The following MTMR6 variants were observed in gnomAD, a reference collection of about 807,000 sequenced individuals.
The protein encoded by MTMR6 is myotubularin related protein 6.
In MTMR6, 47 loss-of-function variants were observed where a neutral mutation model predicts 80.1. The observed-to-expected ratio is 0.59, with a 90% confidence interval of 0.46 to 0.75. MTMR6 has a LOEUF of 0.75. MTMR6 is among the 30% of genes least tolerant of loss of function. MTMR6 has a pLI of 0.00. For synonymous variants in MTMR6, 254 were observed against 253.0 expected (o/e 1.00, Z -0.04); for missense variants, 629 against 730.9 (o/e 0.86, Z 1.61).
chr13:25,280,312 C>T (rs923830566), intron 1 of MTMR6, among the ~76,000 whole-genome samples: 5 of 152,158 alleles, frequency 3.3e-5, no homozygotes, highest in African/African-American at 1.2e-4. Flanking sequence ...AATGGGTAAT[C>T]TCCATATGAA....
intron 5 of MTMR6, 127 bp downstream of exon 5, chr13:25,265,692 A>T: frequency 9.6e-7 from 1 of 1,043,488 alleles, no homozygotes; most frequent in Non-Finnish European, 1.4e-6. Flanking sequence ...AGATGGTGCC[A>T]CTGCACTCCA....
chr13:25,249,326 G>A lies in MTMR6; in HGVS notation c.1772C>T (p.Ala591Val), dbSNP rs755364028. The change falls in exon 14 of 14, where the codon GCA becomes GTA. Residue 591 changes from alanine to valine, a missense_variant. Physicochemically the swap from Ala to Val is moderately conservative, Grantham distance 64 (BLOSUM62 0). Transcript: ENST00000381801. The stretch of plus-strand genomic sequence containing the variant: ...TGCATATTCACTATAACGATTATCT[G>A]CCGGGCTGCTGCCCTCTATAGTTCG... ...ALRTIEGSSP[A>V]DNRYSEYAEE... 1 of 1,614,080 alleles carries A rather than the reference G, an allele frequency of 6.2e-7. No homozygotes were observed. The highest frequency in any genetic ancestry group is 8.5e-7 in the Non-Finnish European group (1 of 1,179,958).
chr13:25,249,932 A>T (rs1957051216), intron 13 of MTMR6, among the ~76,000 whole-genome samples: 1 of 152,196 alleles, frequency 6.6e-6, no homozygotes, highest in Non-Finnish European at 1.5e-5. Flanking sequence ...TTTGTTAGGT[A>T]AAAATAACAG....
chr13:25,257,137 G>T, intron 9 of MTMR6, 59 bp downstream of exon 9: 1 of 1,520,136 alleles, frequency 6.6e-7, no homozygotes, highest in East Asian at 2.4e-5. Flanking sequence ...AATGTCCTCT[G>T]GAGGAACATA....
At chr13:25,279,331 C>A (rs1036854822) in intron 1 of MTMR6, among the ~76,000 whole-genome samples, 1 of 152,078 alleles carries the variant, frequency 6.6e-6, no homozygotes. Flanking sequence ...CTCTCTCCTG[C>A]CACCATGAGA....
In MTMR6 at chr13:25,274,194, GA is replaced by G. The variant is rs770697904; in HGVS notation, c.25-8del. 87 of 1,540,226 alleles carry G rather than the reference GA, an allele frequency of 5.6e-5. No homozygotes were observed. The highest frequency in any genetic ancestry group is 8.1e-5 in the South Asian group (7 of 86,014). On this transcript the variant is annotated splice_region_variant and splice_polypyrimidine_tract_variant and intron_variant, in intron 1 of 13. Transcript: ENST00000381801. Reference sequence around the variant, plus strand: ...GTAATTTTACTTGTTCGACCTAAAAGAAAAAAAGATATTATTTCTCATTTCA... The same window carrying G: ...GTAATTTTACTTGTTCGACCTAAAAGAAAAAAGATATTATTTCTCATTTCA...
chr13:25,269,876 T>C (rs546829372), intron 2 of MTMR6, among the ~76,000 whole-genome samples: 2 of 152,122 alleles, frequency 1.3e-5, no homozygotes, highest in African/African-American at 4.8e-5. Context: ...TTATCACTTA[T>C]ATTAATGCGC....
Position 25,253,799 on chromosome 13 carries a change from G to A in MTMR6, c.1311C>T (p.Phe437=). Residue 437 remains phenylalanine (F), a synonymous_variant, in exon 11 of 14, where the codon TTC becomes TTT. Transcript: ENST00000381801. ...CTCTTTCCTTCTGACAATTTCCAAG[G>A]AAGTTTCCAAACTGGCATGAATGAA... ...EHIHSCQFGN[F]LGNCQKEREE... is the part of the protein sequence containing the mutation. 1 of 1,614,014 alleles carries A rather than the reference G, an allele frequency of 6.2e-7. No individual in the cohort carries two copies. The highest frequency in any genetic ancestry group is 8.5e-7 in the Non-Finnish European group (1 of 1,179,982).
chr13:25,281,273 G>T (rs1022184780), intron 1 of MTMR6, among the ~76,000 whole-genome samples: 3 of 152,180 alleles, frequency 2.0e-5, no homozygotes, highest in Middle Eastern at 3.4e-3. Context: ...GGAGGTAGAG[G>T]CTGCAATGAG....
rs189649997 is a variant in MTMR6, at chr13:25,279,210, G to T, written c.25-5023C>A. Among the ~76,000 whole-genome samples, 212 of 152,260 alleles carry T rather than the reference G, an allele frequency of 1.4e-3. 1 individual carries two copies. The highest frequency in any genetic ancestry group is 4.8e-3 in the African/African-American group (200 of 41,554). On this transcript the variant is annotated intron_variant, in intron 1 of 13. Coordinates refer to ENST00000381801, the MANE Select transcript of MTMR6 (RefSeq NM_004685.5). The stretch of plus-strand genomic sequence containing the variant: ...CCATGTGTGCAGGAAGTGACCTGGT[G>T]GGAGGTGATTGGATCATGGGGGTGG...
At chr13:25,286,622 G>A (rs1957958118) in intron 1 of MTMR6, among the ~76,000 whole-genome samples, 1 of 152,168 alleles carries the variant, frequency 6.6e-6, no homozygotes, top group African/African-American at 2.4e-5. Context: ...TTTAAAATAT[G>A]GAATAACATT....
At chr13:25,274,831 C>G (rs1957668029) in intron 1 of MTMR6, among the ~76,000 whole-genome samples, 2 of 152,136 alleles carry the variant, frequency 1.3e-5, no homozygotes, top group Non-Finnish European at 2.9e-5. Flanking sequence ...TTGCATTCCT[C>G]TGCAGCTCTG....
At chr13:25,266,956 A>G (rs1313282137) in intron 3 of MTMR6, among the ~76,000 whole-genome samples, 2 of 152,218 alleles carry the variant, frequency 1.3e-5, no homozygotes, top group African/African-American at 4.8e-5. Context: ...ACAGGGCATA[A>G]GTAGCGATAA....
intron 2 of MTMR6, among the ~76,000 whole-genome samples, chr13:25,270,914 A>G (rs1225467996): frequency 6.6e-6 from 1 of 152,220 alleles, no homozygotes; most frequent in Non-Finnish European, 1.5e-5. Flanking sequence ...TCAACTGCTT[A>G]GAAAAATAGT....
At chr13:25,257,377 T>G in intron 8 of MTMR6, 56 bp from the exon 9 acceptor site, 1 of 1,582,894 alleles carries the variant, frequency 6.3e-7, no homozygotes, top group Non-Finnish European at 8.6e-7. Flanking sequence ...CAATAAATTC[T>G]ACTTGAAAAT....
rs572909056 is a variant in MTMR6 at position 25,249,175 on chromosome 13, A to G, written c.*57T>C. 2 of 1,571,104 alleles carry G rather than the reference A, an allele frequency of 1.3e-6. No homozygotes were observed. The highest frequency in any genetic ancestry group is 1.7e-6 in the Non-Finnish European group (2 of 1,154,352). On this transcript the variant is annotated 3_prime_UTR_variant, in exon 14 of 14. Transcript: ENST00000381801. ...TTCCTTTTGGTTATGCTTACAGACC[A>G]TCCTCACAATAATCCTTTTCTTGTA...
At position 25,246,381 on chromosome 13, in the gene MTMR6, A is replaced by C. The variant is rs961321673; in HGVS notation, c.*2851T>G. Reference sequence around the variant, plus strand: ...CCTAAAGCTTATAGTTTACATTGATATCTAGACATATATCTTAAACAGTCT... The same window carrying C: ...CCTAAAGCTTATAGTTTACATTGATCTCTAGACATATATCTTAAACAGTCT... On this transcript the variant is annotated 3_prime_UTR_variant, in exon 14 of 14. Coordinates refer to ENST00000381801, the MANE Select transcript of MTMR6 (RefSeq NM_004685.5). 4.0e-5 allele frequency: 6 copies of C among 150,554 alleles called. No homozygotes were observed. The highest frequency in any genetic ancestry group is 1.2e-4 in the African/African-American group (5 of 41,140). 9.3% of individuals were successfully genotyped at this position (150,554 alleles called of 1,614,324 possible).
intron 11 of MTMR6, among the ~76,000 whole-genome samples, chr13:25,252,347 T>C (rs1288019738): frequency 2.0e-5 from 3 of 152,262 alleles, no homozygotes; most frequent in African/African-American, 7.2e-5. Context: ...TCTTTCTGTC[T>C]GGCCTTCTCT....
chr13:25,278,049 C>T (rs1006281741), intron 1 of MTMR6, among the ~76,000 whole-genome samples: 12 of 152,226 alleles, frequency 7.9e-5, no homozygotes, highest in Admixed American at 5.9e-4. Flanking sequence ...TCCAAAGCCT[C>T]ACCCCAACTT....
Sources: gnomAD v4.1 joint callset for allele counts (sites outside exome capture counted in the v4.1 genomes callset) on GRCh38, gnomAD v4.1.1 for gene constraint, MANE v1.5 for transcripts, NCBI Gene and HGNC (gene_info 2026-07-23, HGNC 2026-07-21) for gene names.